The following LYPD6 variants were observed in gnomAD, a reference collection of about 807,000 sequenced individuals.
LYPD6 encodes the protein LY6/PLAUR domain containing 6, also known as ly6/PLAUR domain-containing protein 6.
LYPD6 carries 15 observed loss-of-function variants against 22.7 expected under a neutral mutation model. The observed-to-expected ratio is 0.66, with a 90% CI of 0.44 to 1.02. LYPD6 has a LOEUF of 1.02. LYPD6 is among the 50% of genes least tolerant of loss of function. LYPD6 has a pLI of 0.00. For missense variants in LYPD6, 189 were observed against 208.4 expected, an observed-to-expected ratio of 0.91 and a Z score of 0.57; for synonymous variants, 72 against 77.5, an observed-to-expected ratio of 0.93 and a Z score of 0.37.
At chr2:149,414,986 A>G (rs1179241974) in intron 1 of LYPD6, among the ~76,000 whole-genome samples, 1 of 152,186 alleles carries the variant, frequency 6.6e-6, no homozygotes, top group Non-Finnish European at 1.5e-5. Flanking sequence ...TCTTACAATA[A>G]AAGTACAGAC....
At chr2:149,354,987 G>C (rs1179156999) in intron 1 of LYPD6, among the ~76,000 whole-genome samples, 2 of 152,028 alleles carry the variant, frequency 1.3e-5, no homozygotes, top group African/African-American at 4.8e-5. Context: ...GAGCACTTGT[G>C]GTGTTATGAA....
chr2:149,439,750 C>T (rs1220121443), intron 2 of LYPD6: 1 of 152,214 alleles, frequency 6.6e-6, no homozygotes, highest in East Asian at 1.9e-4. Flanking sequence ...GAAATCACTT[C>T]TGCTCTTGAA....
intron 1 of LYPD6, among the ~76,000 whole-genome samples, chr2:149,397,352 C>T (rs1443721953): frequency 6.6e-6 from 1 of 152,128 alleles, no homozygotes; most frequent in East Asian, 1.9e-4. Context: ...CTCCATGAGG[C>T]CTCTGTCTCC....
intron 1 of LYPD6, among the ~76,000 whole-genome samples, chr2:149,405,588 T>A (rs1415957444): frequency 3.9e-5 from 6 of 152,230 alleles, no homozygotes; most frequent in Admixed American, 1.3e-4. Context: ...ATATCCGCTT[T>A]ATCATTTTTT....
chr2:149,484,367 A>G, the LYPD6 span, among the ~76,000 whole-genome samples: 3 of 152,186 alleles, frequency 2.0e-5, no homozygotes, highest in African/African-American at 7.2e-5. Flanking sequence ...GTTTAATTTT[A>G]CACAGGAATT....
chr2:149,341,059 G>A (rs1490334896), intron 1 of LYPD6, among the ~76,000 whole-genome samples: 2 of 152,114 alleles, frequency 1.3e-5, no homozygotes, highest in African/African-American at 4.8e-5. Flanking sequence ...TTATATAGTG[G>A]CTTTTCATGG....
the LYPD6 span, among the ~76,000 whole-genome samples, chr2:149,480,738 T>C: frequency 1.2e-4 from 18 of 152,264 alleles, no homozygotes; most frequent in African/African-American, 4.3e-4. Context: ...GGGGGAGCGT[T>C]GCCCCAGCAG....
chr2:149,332,497 A>G (rs1010633352), intron 1 of LYPD6, among the ~76,000 whole-genome samples: 9 of 152,248 alleles, frequency 5.9e-5, no homozygotes, highest in African/African-American at 2.2e-4. Flanking sequence ...TTTATATGGC[A>G]TATTGAAATC....
chr2:149,377,781 A>ACCCCCCC (rs70994571), intron 1 of LYPD6, among the ~76,000 whole-genome samples: 17 of 94,248 alleles, frequency 1.8e-4, no homozygotes, highest in Non-Finnish European at 2.2e-4. Context: ...CTTTGTCCCC[A>ACCCCCCC]CCCCCCCCCC....
At chr2:149,462,587 TAAG>T (rs2105176237) in intron 3 of LYPD6, among the ~76,000 whole-genome samples, 1 of 151,708 alleles carries the variant, frequency 6.6e-6, no homozygotes, top group African/African-American at 2.4e-5. Context: ...TATGGAAAGA[TAAG>T]AAACTGGTAT....
chr2:149,398,444 TG>T (rs1682475738), intron 1 of LYPD6, among the ~76,000 whole-genome samples: 3 of 150,236 alleles, frequency 2.0e-5, no homozygotes, highest in African/African-American at 7.3e-5. Flanking sequence ...TGTGTGTGTG[TG>T]TGTATGTGTA....
intron 1 of LYPD6, among the ~76,000 whole-genome samples, chr2:149,403,331 G>C (rs1228812804): frequency 6.6e-6 from 1 of 150,402 alleles, no homozygotes; most frequent in Admixed American, 6.6e-5. Context: ...GGTTGAACTA[G>C]TTTACAGTCC....
At chr2:149,401,160 A>G (rs1213357683) in intron 1 of LYPD6, among the ~76,000 whole-genome samples, 1 of 152,158 alleles carries the variant, frequency 6.6e-6, no homozygotes, top group South Asian at 2.1e-4. Flanking sequence ...GGATCCATCT[A>G]GTGGCTTCCA....
intron 3 of LYPD6, among the ~76,000 whole-genome samples, chr2:149,455,829 C>A (rs548598610): frequency 6.6e-6 from 1 of 152,232 alleles, no homozygotes; most frequent in East Asian, 1.9e-4. Context: ...ACATTGCCTT[C>A]TGAATTTCAG....
chr2:149,376,777 T>C (rs1333034456), intron 1 of LYPD6, among the ~76,000 whole-genome samples: 1 of 152,206 alleles, frequency 6.6e-6, no homozygotes, highest in Non-Finnish European at 1.5e-5. Context: ...TGTAGAAAGA[T>C]TTGAAATCCT....
intron 1 of LYPD6, among the ~76,000 whole-genome samples, chr2:149,421,007 G>A (rs939159738): frequency 5.3e-5 from 8 of 152,170 alleles, no homozygotes; most frequent in African/African-American, 1.4e-4. Context: ...ATGGTAATGG[G>A]TGAGAGCCAT....
intron 3 of LYPD6, among the ~76,000 whole-genome samples, chr2:149,459,778 T>G (rs994858141): frequency 1.3e-5 from 2 of 152,054 alleles, no homozygotes; most frequent in Admixed American, 1.3e-4. Context: ...GGCAGGCACC[T>G]GTAGTCCCAG....
chr2:149,475,274 T>C (rs186634268), downstream of LYPD6, among the ~76,000 whole-genome samples: 4 of 152,298 alleles, frequency 2.6e-5, no homozygotes, highest in East Asian at 3.9e-4. Flanking sequence ...GAATCTGTTA[T>C]GAATCTCATT....
At chr2:149,416,600 A>G (rs1432431311) in intron 1 of LYPD6, among the ~76,000 whole-genome samples, 1 of 152,108 alleles carries the variant, frequency 6.6e-6, no homozygotes, top group Non-Finnish European at 1.5e-5. Flanking sequence ...CAAGAGGGTA[A>G]GGAGCCCAGG....
Sources: gnomAD v4.1 joint callset for allele counts (sites outside exome capture counted in the v4.1 genomes callset) on GRCh38, gnomAD v4.1.1 for gene constraint, MANE v1.5 for transcripts, NCBI Gene and HGNC (gene_info 2026-07-23, HGNC 2026-07-21) for gene names.